Variants in EXT1 observed in about 807,000 individuals in gnomAD.
EXT1 encodes exostosin glycosyltransferase 1, also known as exostosin-1.
In EXT1, 20 loss-of-function variants were observed where a neutral mutation model predicts 82.5. The observed-to-expected ratio is 0.24, with a 90% confidence interval of 0.17 to 0.35. The LOEUF (loss-of-function observed/expected upper bound fraction) is 0.35, where lower values mean the gene tolerates loss of function less well. EXT1 is among the 10% of genes least tolerant of loss of function. The pLI, the probability that EXT1 is intolerant of heterozygous loss-of-function variation, is 1.00. For missense variants in EXT1, 757 were observed against 936.5 expected (o/e 0.81, Z 2.50); for synonymous variants, 348 against 350.8 (o/e 0.99, Z 0.09).
intron 1 of EXT1, among the ~76,000 whole-genome samples, chr8:117,921,298 T>C (rs1002274584): frequency 3.3e-5 from 5 of 152,148 alleles, no homozygotes; most frequent in African/African-American, 7.2e-5. Flanking sequence ...ACCTTACAGA[T>C]ACTACTCATT....
At position 118,110,634 on chromosome 8, in the gene EXT1, A is replaced by T. The variant is rs2130043606; in HGVS notation, c.413T>A (p.Ile138Asn). The T allele has an allele frequency of 6.2e-7, 1 of 1,614,142 alleles. No individual in the cohort carries two copies. Among genetic ancestry groups the T allele is most frequent in the Non-Finnish European group, 8.5e-7 (1 of 1,180,038 alleles). Reference sequence around the variant, plus strand: ...CGAGGTGTAGAACCTGGAGCCCTCGATGGCCGCTAGAATGTTTTGGTAACT... The same window carrying T: ...CGAGGTGTAGAACCTGGAGCCCTCGTTGGCCGCTAGAATGTTTTGGTAACT... Reference protein sequence around the residue: ...AESYQNILAAIEGSRFYTSDP... With the variant: ...AESYQNILAANEGSRFYTSDP... The change falls in exon 1 of 11, where the codon ATC becomes AAC. Residue 138 changes from isoleucine to asparagine, a missense_variant. Physicochemically the swap from Ile to Asn is moderately radical, Grantham distance 149 (BLOSUM62 -3). This residue lies in a region of EXT1 where 247 missense variants were observed against 330.1 expected (regional missense o/e 0.75). Coordinates refer to ENST00000378204, the MANE Select transcript of EXT1 (RefSeq NM_000127.3).
At chr8:117,910,897 C>T (rs1030974149) in intron 1 of EXT1, among the ~76,000 whole-genome samples, 5 of 152,196 alleles carry the variant, frequency 3.3e-5, no homozygotes, top group Admixed American at 3.3e-4. Flanking sequence ...GCCACTGGTA[C>T]ATGCAATGTA....
intron 1 of EXT1, among the ~76,000 whole-genome samples, chr8:117,947,589 C>T (rs1252769960): frequency 2.6e-5 from 4 of 152,198 alleles, no homozygotes; most frequent in South Asian, 4.1e-4. Context: ...CTTGGGGTTC[C>T]TAGAAAGGAT....
In EXT1 at chr8:117,835,188, ACTT is replaced by A. The variant is rs557775996; in HGVS notation, c.1164+253_1164+255del. The stretch of plus-strand genomic sequence containing the variant: ...TGGTTATTGAAAGGGGTGGAGATCC[ACTT>A]CTTCTTGAAAATCAAAGCTCCCATT... On this transcript the variant is annotated intron_variant, in intron 3 of 10. Coordinates refer to ENST00000378204, the MANE Select transcript of EXT1 (RefSeq NM_000127.3). Among the ~76,000 whole-genome samples, 206 of 152,278 alleles carry A rather than the reference ACTT, an allele frequency of 1.4e-3. 1 individual carries two copies. The highest frequency in any genetic ancestry group is 4.7e-3 in the African/African-American group (194 of 41,558).
rs112572278 is a variant in EXT1, at chr8:118,054,654, A to C, written c.962+55431T>G. ...GCTAAGAGAAGGTAAAGGAGTTCAA[A>C]AGCTTTAACCCAAGGAGTGGGAAAA... On this transcript the variant is annotated intron_variant, in intron 1 of 10. Transcript: ENST00000378204. Among the ~76,000 whole-genome samples, 57 of 152,302 alleles carry C rather than the reference A, an allele frequency of 3.7e-4. 1 individual carries two copies. Among genetic ancestry groups the C allele is most frequent in the South Asian group, 2.3e-3 (11 of 4,828 alleles).
intron 1 of EXT1, among the ~76,000 whole-genome samples, chr8:118,042,747 C>T (rs11562763): frequency 0.044 from 6,653 of 152,288 alleles, 489 homozygotes; most frequent in African/African-American, 0.15. Context: ...GTTCGTACAA[C>T]ACCATGTCCA....
intron 1 of EXT1, among the ~76,000 whole-genome samples, chr8:118,103,209 C>T (rs1309680557): frequency 6.6e-6 from 1 of 152,124 alleles, no homozygotes; most frequent in African/African-American, 2.4e-5. Flanking sequence ...TGCAGTGGTG[C>T]CATCATCAGT....
At chr8:117,853,008 T>C (rs968484142) in intron 1 of EXT1, among the ~76,000 whole-genome samples, 4 of 152,294 alleles carry the variant, frequency 2.6e-5, no homozygotes, top group Middle Eastern at 6.8e-3. Context: ...GGGACGAAGC[T>C]GAAACCTAAG....
intron 1 of EXT1, among the ~76,000 whole-genome samples, chr8:118,090,778 CAAAAAAAAAAA>C (rs11318164): frequency 1.4e-3 from 38 of 27,196 alleles, no homozygotes; most frequent in East Asian, 3.4e-3. Context: ...GATTCTGTCT[CAAAAAAAAAAA>C]AAAAAAAAAA....
chr8:117,848,495 T>C (rs965356757), intron 1 of EXT1, among the ~76,000 whole-genome samples: 1 of 152,102 alleles, frequency 6.6e-6, no homozygotes, highest in Non-Finnish European at 1.5e-5. Flanking sequence ...AAAGAGGCTG[T>C]GGGACAGAAA....
At chr8:118,000,514 C>T (rs377483435) in intron 1 of EXT1, among the ~76,000 whole-genome samples, 4 of 152,306 alleles carry the variant, frequency 2.6e-5, no homozygotes, top group South Asian at 4.1e-4. Context: ...GATCTCTTGT[C>T]TTCCTGCCTA....
intron 1 of EXT1, among the ~76,000 whole-genome samples, chr8:117,952,272 A>G (rs1281735296): frequency 6.6e-6 from 1 of 152,236 alleles, no homozygotes; most frequent in Non-Finnish European, 1.5e-5. Flanking sequence ...ATGAAATACT[A>G]CAATGTTATC....
intron 1 of EXT1, among the ~76,000 whole-genome samples, chr8:117,879,461 A>T (rs1813025177): frequency 6.6e-6 from 1 of 151,984 alleles, no homozygotes; most frequent in South Asian, 2.1e-4. Context: ...AAGGAACTCT[A>T]TAATGTGGAA....
intron 1 of EXT1, among the ~76,000 whole-genome samples, chr8:117,968,565 T>TA (rs1814874754): frequency 7.8e-5 from 1 of 12,850 alleles, no homozygotes; most frequent in Non-Finnish European, 1.3e-4. Flanking sequence ...TTTTTTTTTT[T>TA]TTTTTTTTTT....
chr8:117,827,846 A>G (rs530311930), intron 4 of EXT1, among the ~76,000 whole-genome samples: 25 of 150,330 alleles, frequency 1.7e-4, no homozygotes, highest in Non-Finnish European at 3.5e-4. Flanking sequence ...TTTGAAACGG[A>G]CTTCAAATTC....
intron 1 of EXT1, among the ~76,000 whole-genome samples, chr8:118,070,645 C>T (rs906983791): frequency 6.6e-6 from 1 of 152,076 alleles, no homozygotes; most frequent in East Asian, 1.9e-4. Context: ...CAAACAAATT[C>T]TTTTATGACT....
At chr8:117,815,942 A>AAAC (rs1294785598) in intron 7 of EXT1, among the ~76,000 whole-genome samples, 1 of 151,984 alleles carries the variant, frequency 6.6e-6, no homozygotes, top group Non-Finnish European at 1.5e-5. Context: ...CTCAAAAAAA[A>AAAC]AAAAAAAATT....
chr8:117,823,914 G>A (rs1252964875), intron 4 of EXT1, among the ~76,000 whole-genome samples: 1 of 152,096 alleles, frequency 6.6e-6, no homozygotes, highest in Non-Finnish European at 1.5e-5. Flanking sequence ...ACTTTTTGTG[G>A]TACAACAGGG....
At chr8:117,826,615 T>C (rs898302448) in intron 4 of EXT1, among the ~76,000 whole-genome samples, 1 of 152,220 alleles carries the variant, frequency 6.6e-6, no homozygotes, top group Non-Finnish European at 1.5e-5. Context: ...TTTTTGATTA[T>C]GTTGAATTCT....
Sources: allele counts gnomAD v4.1 joint callset (sites outside exome capture counted in the v4.1 genomes callset), GRCh38; gene constraint gnomAD v4.1.1; regional missense constraint gnomAD v4.1.1; transcripts MANE v1.5; gene names NCBI Gene and HGNC (gene_info 2026-07-23, HGNC 2026-07-21).